The following BLTP2 variants were observed in gnomAD, a reference collection of about 807,000 sequenced individuals.
BLTP2 encodes bridge-like lipid transfer protein family member 2, also known as U937-associated antigen.
the BLTP2 span, among the ~76,000 whole-genome samples, chr17:28,631,113 G>GT: frequency 6.6e-6 from 1 of 152,164 alleles, no homozygotes; most frequent in Admixed American, 6.5e-5. Context: ...AACCCCCAAT[G>GT]TAACAGTATG....
the BLTP2 span, chr17:28,638,116 C>G: frequency 6.2e-7 from 1 of 1,611,868 alleles, no homozygotes; most frequent in Non-Finnish European, 8.5e-7. Flanking sequence ...GCAGACGGAT[C>G]CCATTAGAAG....
At chr17:28,625,352 A>G in the BLTP2 span, among the ~76,000 whole-genome samples, 18 of 150,504 alleles carry the variant, frequency 1.2e-4, no homozygotes, top group East Asian at 1.2e-3. Context: ...AAAAAAAAAA[A>G]AAAAAAGAAA....
the BLTP2 span, chr17:28,632,922 G>A: frequency 4.1e-6 from 6 of 1,480,972 alleles, no homozygotes; most frequent in Non-Finnish European, 5.4e-6. Context: ...CCTCCCCACT[G>A]CCCCAGGCCC....
the BLTP2 span, chr17:28,614,832 G>A: frequency 2.4e-6 from 1 of 424,034 alleles, no homozygotes; most frequent in East Asian, 3.8e-5. Context: ...CCCATTCCCT[G>A]GGTCTTGCTC....
At chr17:28,618,772 G>A in the BLTP2 span, 5 of 1,596,496 alleles carry the variant, frequency 3.1e-6, no homozygotes, top group East Asian at 2.2e-5. Context: ...GCCTTTGTGT[G>A]ACCATATACC....
At chr17:28,620,720 T>A in the BLTP2 span, 1 of 1,419,656 alleles carries the variant, frequency 7.0e-7, no homozygotes, top group South Asian at 1.3e-5. Flanking sequence ...ACCACCCCAC[T>A]AGTCAACCCC....
At chr17:28,630,463 CTGT>C in the BLTP2 span, among the ~76,000 whole-genome samples, 2 of 142,348 alleles carry the variant, frequency 1.4e-5, no homozygotes, top group African/African-American at 5.2e-5. Flanking sequence ...CCAGCCCCCA[CTGT>C]TTTTTTTTTT....
the BLTP2 span, chr17:28,616,574 G>T: frequency 6.2e-7 from 1 of 1,613,960 alleles, no homozygotes; most frequent in Non-Finnish European, 8.5e-7. This position sits in a 1 kb window ranked among gnomAD's most constrained non-coding sequence, Gnocchi z 4.8. Context: ...TGTCTTTGGG[G>T]TTGCTACCCT....
the BLTP2 span, chr17:28,637,216 G>C: frequency 2.1e-6 from 3 of 1,448,894 alleles, no homozygotes; most frequent in Non-Finnish European, 1.9e-6. Context: ...GCTCTCAAAG[G>C]GCAACAATAG....
the BLTP2 span, chr17:28,616,012 C>T: frequency 2.5e-6 from 3 of 1,192,164 alleles, no homozygotes; most frequent in Non-Finnish European, 2.5e-6. The surrounding 1 kb of genome is among the most constrained non-coding windows in gnomAD (Gnocchi z 4.8). Flanking sequence ...TCACAAACAA[C>T]CTAGCTGTCT....
chr17:28,641,747 T>C, the BLTP2 span: 1 of 743,164 alleles, frequency 1.3e-6, no homozygotes, highest in Admixed American at 2.7e-5. Context: ...AAATGCCCTA[T>C]TTCCTCTAAC....
the BLTP2 span, chr17:28,633,070 C>A: frequency 1.3e-6 from 2 of 1,593,424 alleles, no homozygotes; most frequent in South Asian, 1.1e-5. Context: ...CAGAGTGACA[C>A]TATGGTGATC....
chr17:28,614,463 T>G, the BLTP2 span: 7 of 419,946 alleles, frequency 1.7e-5, no homozygotes, highest in Non-Finnish European at 2.8e-5. Flanking sequence ...TAAAATATCT[T>G]TTTTTTTCTC....
At chr17:28,633,156 G>A in the BLTP2 span, 80 of 1,581,286 alleles carry the variant, frequency 5.1e-5, no homozygotes, top group African/African-American at 8.1e-5. Flanking sequence ...AGCAGCAGTC[G>A]TCATACCTGC....
chr17:28,628,299 G>A, the BLTP2 span: 6 of 1,614,176 alleles, frequency 3.7e-6, no homozygotes, highest in Non-Finnish European at 1.7e-6. Context: ...GTCCACTGAA[G>A]CTGGGAGTGT....
At chr17:28,638,996 C>G in the BLTP2 span, 1 of 467,894 alleles carries the variant, frequency 2.1e-6, no homozygotes, top group South Asian at 2.3e-5. Context: ...AAGCACTACA[C>G]AAAGACATGA....
the BLTP2 span, chr17:28,614,991 C>A: frequency 1.4e-6 from 2 of 1,422,960 alleles, no homozygotes; most frequent in East Asian, 4.6e-5. Flanking sequence ...AACGGGAAGC[C>A]CCTCCCACCC....
chr17:28,634,295 A>G, the BLTP2 span, among the ~76,000 whole-genome samples: 1 of 152,196 alleles, frequency 6.6e-6, no homozygotes, highest in Non-Finnish European at 1.5e-5. Flanking sequence ...AAGAGACACA[A>G]TAACCTTAAA....
the BLTP2 span, chr17:28,634,462 C>A: frequency 6.5e-7 from 1 of 1,547,958 alleles, no homozygotes; most frequent in Non-Finnish European, 8.7e-7. Flanking sequence ...ACTGAGAGCT[C>A]CCCAGAGCTC....
Sources: allele counts gnomAD v4.1 joint callset (sites outside exome capture counted in the v4.1 genomes callset), GRCh38; gene constraint gnomAD v4.1.1; non-coding constraint Gnocchi (gnomAD v3.1); transcripts MANE v1.5; gene names NCBI Gene and HGNC (gene_info 2026-07-23, HGNC 2026-07-21).